MAD1L1: variants seen among roughly 807,000 people sequenced by gnomAD.
The protein encoded by MAD1L1 is mitotic spindle assembly checkpoint protein MAD1.
A neutral mutation model predicts 96.9 loss-of-function variants in MAD1L1; 95 were observed. The ratio of observed to expected loss-of-function variants is 0.98; its 90% CI spans 0.83 to 1.16. The LOEUF (loss-of-function observed/expected upper bound fraction) is 1.16, where lower values mean the gene tolerates loss of function less well. MAD1L1 is among the 50% of genes most tolerant of loss of function. MAD1L1 has a pLI of 0.00. For synonymous variants in MAD1L1, 473 were observed against 396.6 expected (o/e 1.19, Z -2.29); for missense variants, 1,007 against 954.4 (o/e 1.06, Z -0.73).
At chr7:2,033,510 G>A (rs531069194) in intron 12 of MAD1L1, among the ~76,000 whole-genome samples, 7 of 152,324 alleles carry the variant, frequency 4.6e-5, no homozygotes, top group East Asian at 1.9e-4. Context: ...TGGGGAAAAC[G>A]TGCCACAAAT....
At chr7:2,196,804 T>C (rs1401649043) in intron 10 of MAD1L1, among the ~76,000 whole-genome samples, 2 of 152,142 alleles carry the variant, frequency 1.3e-5, no homozygotes, top group Non-Finnish European at 2.9e-5. Flanking sequence ...TGCGGCTCAA[T>C]TCTAACTCTC....
At position 2,200,760 on chromosome 7, in the gene MAD1L1, G is replaced by GC. The variant is rs1342369509; in HGVS notation, c.986+12451dup. ...GAGGACCGCCTGCTTCATGCACACG[G>GC]CCCCCCTGCAGCCACTGAGCGTGCA... On this transcript the variant is annotated intron_variant, in intron 10 of 18. Transcript: ENST00000265854. Among the ~76,000 whole-genome samples the GC allele has an allele frequency of 3.3e-5, 5 of 152,142 alleles. No individual in the cohort carries two copies. In the East Asian group the frequency reaches 5.8e-4, roughly 18 times the overall value.
intron 11 of MAD1L1, among the ~76,000 whole-genome samples, chr7:2,134,599 G>C (rs927526046): frequency 2.0e-5 from 3 of 152,204 alleles, no homozygotes; most frequent in Non-Finnish European, 4.4e-5. Context: ...GACGGAAATA[G>C]TTGACAAGTA....
intron 11 of MAD1L1, among the ~76,000 whole-genome samples, chr7:2,118,765 C>T (rs1003741758): frequency 6.6e-6 from 1 of 152,194 alleles, no homozygotes; most frequent in African/African-American, 2.4e-5. Context: ...AAGGGGCTAC[C>T]ACCAGCTAAG....
intron 18 of MAD1L1, among the ~76,000 whole-genome samples, chr7:1,861,920 G>C (rs576427248): frequency 6.6e-6 from 1 of 152,070 alleles, no homozygotes; most frequent in South Asian, 2.1e-4. Context: ...CTGGTTGGAG[G>C]GACTCCTGGC....
intron 18 of MAD1L1, among the ~76,000 whole-genome samples, chr7:1,829,876 G>C (rs1782620826): frequency 1.3e-5 from 2 of 152,210 alleles, no homozygotes; most frequent in Non-Finnish European, 2.9e-5. Context: ...GAGAATGACA[G>C]CAGACTTCTC....
At chr7:2,161,922 C>T in intron 10 of MAD1L1, among the ~76,000 whole-genome samples, 1 of 142,872 alleles carries the variant, frequency 7.0e-6, no homozygotes, top group East Asian at 2.0e-4. Flanking sequence ...GCCAGCCCGT[C>T]CGGGAGGTGG....
intron 10 of MAD1L1, among the ~76,000 whole-genome samples, chr7:2,204,074 C>T (rs879452557): frequency 1.3e-5 from 2 of 152,216 alleles, no homozygotes; most frequent in Non-Finnish European, 2.9e-5. Flanking sequence ...AACTCCTTGA[C>T]CCTCTGCAGC....
At chr7:1,834,745 T>C (rs1236203742) in intron 18 of MAD1L1, among the ~76,000 whole-genome samples, 1 of 152,146 alleles carries the variant, frequency 6.6e-6, no homozygotes, top group Non-Finnish European at 1.5e-5. Context: ...TTTGTTTTAA[T>C]CAAGAATTCT....
At chr7:2,121,026 G>A (rs565525155) in intron 11 of MAD1L1, among the ~76,000 whole-genome samples, 17 of 152,314 alleles carry the variant, frequency 1.1e-4, no homozygotes, top group African/African-American at 4.1e-4. Context: ...ATGGGCCCAA[G>A]TGGAGTCGCA....
At position 2,119,730 on chromosome 7, in the gene MAD1L1, A is replaced by G. The variant is rs2128560523; in HGVS notation, c.1073+29422T>C. On this transcript the variant is annotated intron_variant, in intron 11 of 18. Coordinates refer to ENST00000265854, the MANE Select transcript of MAD1L1 (RefSeq NM_001013836.2). This position sits in a 1 kb window ranked among gnomAD's most constrained non-coding sequence, Gnocchi z 4.6. Reference sequence around the variant, plus strand: ...CTGAGGAGGGAGAGCCTGCCAGTCCAGCAGGGGACCCCTCAGCACAGTCCT... The same window carrying G: ...CTGAGGAGGGAGAGCCTGCCAGTCCGGCAGGGGACCCCTCAGCACAGTCCT... 6.6e-6 allele frequency among the ~76,000 whole-genome samples: 1 copy of G among 152,308 alleles called. No homozygotes were observed. The highest frequency in any genetic ancestry group is 2.1e-4 in the South Asian group (1 of 4,832).
intron 11 of MAD1L1, among the ~76,000 whole-genome samples, chr7:2,143,370 A>T (rs1423083258): frequency 1.3e-5 from 2 of 149,514 alleles, no homozygotes; most frequent in Admixed American, 6.7e-5. Context: ...AGTGCACCAT[A>T]ATTCAGATGC....
intron 11 of MAD1L1, among the ~76,000 whole-genome samples, chr7:2,115,368 G>A (rs1006565478): frequency 2.0e-5 from 3 of 147,622 alleles, no homozygotes; most frequent in Non-Finnish European, 4.5e-5. Flanking sequence ...CAGGGTCCCC[G>A]CGTGTTCCGG....
chr7:2,158,848 C>T (rs1789965649), intron 10 of MAD1L1, among the ~76,000 whole-genome samples: 1 of 149,576 alleles, frequency 6.7e-6, no homozygotes, highest in Non-Finnish European at 1.5e-5. Context: ...CTGCAGGAGC[C>T]ACCTGCCTGA....
At position 1,826,132 on chromosome 7, in the gene MAD1L1, G is replaced by A. The variant is rs376943991; in HGVS notation, c.1999-9904C>T. On this transcript the variant is annotated intron_variant, in intron 18 of 18. Coordinates refer to ENST00000265854, the MANE Select transcript of MAD1L1 (RefSeq NM_001013836.2). ...ACGCAACCTGTTAGACCGGGATACC[G>A]AGGACTCCTGGCAGCCTCACAACTC... Among the ~76,000 whole-genome samples, 7 of 152,242 alleles carry A rather than the reference G, an allele frequency of 4.6e-5. No homozygotes were observed. The East Asian group carries it at 1.2e-3, about 25-fold the overall frequency.
intron 12 of MAD1L1, 22 bp from the exon 13 acceptor site, chr7:2,014,664 GA>G: frequency 1.9e-6 from 3 of 1,594,112 alleles, no homozygotes; most frequent in Non-Finnish European, 2.6e-6. Context: ...GAGGGCAGCT[GA>G]TCAGGACCCG....
chr7:1,911,216 T>C (rs1193302641), intron 17 of MAD1L1, among the ~76,000 whole-genome samples: 1 of 152,036 alleles, frequency 6.6e-6, no homozygotes, highest in African/African-American at 2.4e-5. Context: ...GGACACCAGG[T>C]TTCAACGCTC....
At chr7:2,206,804 G>A (rs548850436) in intron 10 of MAD1L1, among the ~76,000 whole-genome samples, 71 of 151,798 alleles carry the variant, frequency 4.7e-4, no homozygotes, top group African/African-American at 1.6e-3. Flanking sequence ...ATTGTCAGCC[G>A]GGCACAGTGG....
chr7:1,901,449 G>C (rs1787239074), intron 17 of MAD1L1, among the ~76,000 whole-genome samples: 1 of 152,204 alleles, frequency 6.6e-6, no homozygotes, highest in African/African-American at 2.4e-5. Flanking sequence ...CCCAGGGTGA[G>C]AGGCGACAGC....
Sources: allele counts gnomAD v4.1 joint callset (sites outside exome capture counted in the v4.1 genomes callset), GRCh38; gene constraint gnomAD v4.1.1; non-coding constraint Gnocchi (gnomAD v3.1); transcripts MANE v1.5; gene names NCBI Gene and HGNC (gene_info 2026-07-23, HGNC 2026-07-21).